Variants in BLTP3B observed in about 807,000 individuals in gnomAD.
BLTP3B encodes the protein bridge-like lipid transfer protein family member 3B.
At chr12:100,119,188 T>G in the BLTP3B span, among the ~76,000 whole-genome samples, 1 of 152,094 alleles carries the variant, frequency 6.6e-6, no homozygotes, top group Non-Finnish European at 1.5e-5. Flanking sequence ...TAAACTACCA[T>G]TAACATTAGC....
the BLTP3B span, among the ~76,000 whole-genome samples, chr12:100,069,743 C>T: frequency 2.8e-4 from 43 of 152,176 alleles, 1 homozygote; most frequent in Non-Finnish European, 5.7e-4. Flanking sequence ...TAAAAGACTA[C>T]AAATAGGGTA....
chr12:100,112,661 A>G, the BLTP3B span, among the ~76,000 whole-genome samples: 1 of 152,062 alleles, frequency 6.6e-6, no homozygotes, highest in Non-Finnish European at 1.5e-5. Context: ...ATTTAAGGGC[A>G]AAACAAAACA....
At chr12:100,098,325 T>C in the BLTP3B span, 2 of 1,548,512 alleles carry the variant, frequency 1.3e-6, no homozygotes, top group East Asian at 2.3e-5. Context: ...AAATGAAACA[T>C]TTAAAAAAGA....
the BLTP3B span, among the ~76,000 whole-genome samples, chr12:100,095,002 G>A: frequency 6.6e-6 from 1 of 152,062 alleles, no homozygotes; most frequent in East Asian, 1.9e-4. Flanking sequence ...TTTACTAGAG[G>A]TAGATATAAA....
At chr12:100,051,529 A>G in the BLTP3B span, 1 of 218,474 alleles carries the variant, frequency 4.6e-6, no homozygotes. Context: ...AAGAAAACCT[A>G]AAGACATACA....
chr12:100,096,068 A>G, the BLTP3B span, among the ~76,000 whole-genome samples: 5 of 152,174 alleles, frequency 3.3e-5, no homozygotes, highest in Non-Finnish European at 7.4e-5. Flanking sequence ...CCTGGCCAAC[A>G]TGGTAGAAAC....
the BLTP3B span, among the ~76,000 whole-genome samples, chr12:100,044,255 T>A: frequency 1.5e-4 from 23 of 152,290 alleles, no homozygotes; most frequent in South Asian, 4.8e-3. Context: ...TTCTCCTATG[T>A]CTGTCTCCAG....
the BLTP3B span, among the ~76,000 whole-genome samples, chr12:100,093,443 G>T: frequency 6.6e-6 from 1 of 152,100 alleles, no homozygotes; most frequent in African/African-American, 2.4e-5. Context: ...ATCTCTAATA[G>T]CTGACAATTA....
chr12:100,072,686 C>T, the BLTP3B span: 19 of 1,523,828 alleles, frequency 1.2e-5, no homozygotes, highest in Non-Finnish European at 1.7e-5. Context: ...AAAATCCTTT[C>T]CATCTGGATA....
At chr12:100,136,225 A>C in the BLTP3B span, among the ~76,000 whole-genome samples, 2 of 150,318 alleles carry the variant, frequency 1.3e-5, no homozygotes, top group Admixed American at 6.6e-5. Context: ...AAAAAAAAAA[A>C]CACCTCAAAC....
the BLTP3B span, among the ~76,000 whole-genome samples, chr12:100,042,034 C>A: frequency 1.3e-5 from 2 of 152,058 alleles, no homozygotes; most frequent in Non-Finnish European, 2.9e-5. Flanking sequence ...AAAAAGAATA[C>A]AAATAAACTT....
chr12:100,105,115 T>C, the BLTP3B span, among the ~76,000 whole-genome samples: 1 of 152,136 alleles, frequency 6.6e-6, no homozygotes, highest in Non-Finnish European at 1.5e-5. Context: ...TAACATCATT[T>C]TTCACAGAAT....
the BLTP3B span, chr12:100,142,804 C>G: frequency 4.9e-4 from 474 of 969,352 alleles, no homozygotes; most frequent in Non-Finnish European, 6.4e-4. Context: ...GCCGAGAACC[C>G]GGAGCATCAC....
the BLTP3B span, among the ~76,000 whole-genome samples, chr12:100,106,659 CT>C: frequency 1.3e-5 from 2 of 152,248 alleles, no homozygotes; most frequent in African/African-American, 4.8e-5. Flanking sequence ...ACAATATACA[CT>C]ACTCAGCTGA....
chr12:100,092,096 C>T, the BLTP3B span, among the ~76,000 whole-genome samples: 1 of 152,114 alleles, frequency 6.6e-6, no homozygotes, highest in Non-Finnish European at 1.5e-5. Flanking sequence ...CTGCACCTGG[C>T]CCCTATGAAT....
the BLTP3B span, among the ~76,000 whole-genome samples, chr12:100,098,884 G>A: frequency 1.3e-5 from 2 of 150,578 alleles, no homozygotes; most frequent in Non-Finnish European, 2.9e-5. Context: ...ACTCCAGCCT[G>A]GGTGACAGAG....
the BLTP3B span, among the ~76,000 whole-genome samples, chr12:100,135,858 T>C: frequency 2.6e-5 from 4 of 152,210 alleles, no homozygotes; most frequent in African/African-American, 9.6e-5. Flanking sequence ...CATTAAATTA[T>C]TTTAAATAAG....
At chr12:100,124,060 T>C in the BLTP3B span, among the ~76,000 whole-genome samples, 1 of 151,184 alleles carries the variant, frequency 6.6e-6, no homozygotes, top group Non-Finnish European at 1.5e-5. Flanking sequence ...AAGCTAGGAG[T>C]TCAAGATCAG....
chr12:100,082,971 T>G, the BLTP3B span: 7 of 1,394,096 alleles, frequency 5.0e-6, no homozygotes, highest in Non-Finnish European at 6.1e-6. Flanking sequence ...TTAGATGAGA[T>G]ACTAAAGTGT....
Sources: gnomAD v4.1 joint callset for allele counts (sites outside exome capture counted in the v4.1 genomes callset) on GRCh38, gnomAD v4.1.1 for gene constraint, MANE v1.5 for transcripts, NCBI Gene and HGNC (gene_info 2026-07-23, HGNC 2026-07-21) for gene names.